BRWD1: variants seen among roughly 807,000 people sequenced by gnomAD.
The protein encoded by BRWD1 is bromodomain and WD repeat-containing protein 1.
Under a neutral mutation model 251.2 loss-of-function variants are expected in BRWD1, and 82 were observed. That is an observed-to-expected ratio of 0.33 (90% CI 0.27 to 0.39). The LOEUF is 0.39. BRWD1 is among the 10% of genes least tolerant of loss of function. BRWD1 has a pLI of 1.00. For synonymous variants in BRWD1, 918 were observed against 902.8 expected, an observed-to-expected ratio of 1.02 and a Z score of -0.30; for missense variants, 2,233 against 2,711.6, an observed-to-expected ratio of 0.82 and a Z score of 3.92.
chr21:39,301,760 C>T (rs533966557), intron 4 of BRWD1, among the ~76,000 whole-genome samples: 1 of 151,972 alleles, frequency 6.6e-6, no homozygotes, highest in South Asian at 2.1e-4. Flanking sequence ...AGTAAAACTG[C>T]TGAAAATCAA....
chr21:39,218,079 CTTTCTT>C, intron 31 of BRWD1, 67 bp downstream of exon 31: 1 of 1,436,144 alleles, frequency 7.0e-7, no homozygotes, highest in Non-Finnish European at 9.3e-7. Context: ...ACCACTATCT[CTTTCTT>C]TGTTTACCCT....
chr21:39,287,515 TTC>T lies in BRWD1; in HGVS notation c.831+6294_831+6295del, dbSNP rs199970484. Among the ~76,000 whole-genome samples the T allele has an allele frequency of 9.1e-3, 1,391 of 152,358 alleles. 12 individuals are homozygous for T. Among genetic ancestry groups the T allele is most frequent in the South Asian group, 0.029 (139 of 4,828 alleles). The stretch of plus-strand genomic sequence containing the variant: ...CAGATTTTCTTTTTGTGTCTTGTTT[TTC>T]TCTGTATTAACCTTCAATTTTCCTT... On this transcript the variant is annotated intron_variant, in intron 8 of 40. Transcript: ENST00000342449.
At chr21:39,307,670 T>C (rs1166299514) in intron 4 of BRWD1, among the ~76,000 whole-genome samples, 2 of 152,150 alleles carry the variant, frequency 1.3e-5, no homozygotes, top group Non-Finnish European at 2.9e-5. Flanking sequence ...ACTTGGAACT[T>C]GGGTGCACTG....
intron 31 of BRWD1, chr21:39,216,565 T>C (rs1038080029): frequency 4.8e-6 from 1 of 207,318 alleles, no homozygotes; most frequent in Non-Finnish European, 1.0e-5. Context: ...CAAGGATAGG[T>C]TGAACAACTA....
Position 39,195,531 on chromosome 21 carries a change from C to T in BRWD1, c.*728G>A. 1.0e-6 allele frequency: 1 copy of T among 984,370 alleles called. No individual in the cohort carries two copies. The highest frequency in any genetic ancestry group is 6.2e-5 in the Admixed American group (1 of 16,248). 61.0% of individuals were successfully genotyped at this position (984,370 alleles called of 1,614,324 possible). A position where few individuals can be genotyped will look rare whatever the true frequency, so the allele number is the denominator to read the frequency against. On this transcript the variant is annotated 3_prime_UTR_variant, in exon 41 of 41. Transcript: ENST00000342449. The stretch of plus-strand genomic sequence containing the variant: ...CACAATTTAAAAGAAAATGCTCTGA[C>T]TATGCTCTGGTCCTAGAGGTTTAAA...
In BRWD1 at chr21:39,194,172, A is replaced by G; in HGVS notation, c.*2087T>C. On this transcript the variant is annotated 3_prime_UTR_variant, in exon 41 of 41. Coordinates refer to ENST00000342449, the MANE Select transcript of BRWD1 (RefSeq NM_033656.4). ...AATTAATGCAGTCCAAATAATCAGA[A>G]TAGTTCTATTAATGAAGCCTAAACT... The G allele has an allele frequency of 8.1e-6, 8 of 984,972 alleles. No homozygotes were observed. Among genetic ancestry groups the G allele is most frequent in the Non-Finnish European group, 9.6e-6 (8 of 829,390 alleles). The allele number at this position is 984,972 out of a possible 1,614,324, so 61.0% of individuals were successfully genotyped here.
chr21:39,218,813 T>C (rs144342542), intron 29 of BRWD1, among the ~76,000 whole-genome samples, 153 bp from the exon 30 acceptor site: 204 of 152,280 alleles, frequency 1.3e-3, no homozygotes, highest in Middle Eastern at 6.8e-3. Flanking sequence ...AAATTACTCA[T>C]TGAGATTAAC....
At chr21:39,282,363 A>G (rs182265263) in intron 8 of BRWD1, among the ~76,000 whole-genome samples, 2 of 152,300 alleles carry the variant, frequency 1.3e-5, no homozygotes, top group Admixed American at 1.3e-4. Context: ...GATTTTTTTT[A>G]ATGTTGAAAG....
Position 39,313,520 on chromosome 21 carries a change from G to C in BRWD1, c.-29C>G. The C allele has an allele frequency of 7.5e-7, 1 of 1,328,038 alleles. No homozygotes were observed. Among genetic ancestry groups the C allele is most frequent in the Non-Finnish European group, 9.6e-7 (1 of 1,045,480 alleles). The allele number at this position is 1,328,038 out of a possible 1,614,324, so 82.3% of individuals were successfully genotyped here. A position where few individuals can be genotyped will look rare whatever the true frequency, so the allele number is the denominator to read the frequency against. On this transcript the variant is annotated 5_prime_UTR_variant, in exon 1 of 41. Transcript: ENST00000342449. Reference sequence around the variant, plus strand: ...CGGGCGCGGGGCGGGAGGCGGGAGCGAGCGAGCGAGCGGAGCGTGTAGGCC... The same window carrying C: ...CGGGCGCGGGGCGGGAGGCGGGAGCCAGCGAGCGAGCGGAGCGTGTAGGCC...
At chr21:39,233,021 G>T (rs1220514831) in intron 23 of BRWD1, among the ~76,000 whole-genome samples, 1 of 152,096 alleles carries the variant, frequency 6.6e-6, no homozygotes, top group Non-Finnish European at 1.5e-5. Context: ...ATGAGACTAT[G>T]TGCAACTTCT....
Position 39,191,844 on chromosome 21 carries a change from A to G in BRWD1, c.*4415T>C, listed in dbSNP as rs2031569717. 2 of 985,110 alleles carry G rather than the reference A, an allele frequency of 2.0e-6. No homozygotes were observed. Among genetic ancestry groups the G allele is most frequent in the Non-Finnish European group, 2.4e-6 (2 of 829,678 alleles). The allele number at this position is 985,110 out of a possible 1,614,324, so 61.0% of individuals were successfully genotyped here. A position where few individuals can be genotyped will look rare whatever the true frequency, so the allele number is the denominator to read the frequency against. ...AAATCTCATTTAAGGGCTTTAATAAATGAAAAAACTTACCTTAAAACTGAC... is the reference window on the plus strand; with the variant it reads ...AAATCTCATTTAAGGGCTTTAATAAGTGAAAAAACTTACCTTAAAACTGAC... On this transcript the variant is annotated 3_prime_UTR_variant, in exon 41 of 41. Transcript: ENST00000342449.
At chr21:39,307,682 C>T (rs922631939) in intron 4 of BRWD1, among the ~76,000 whole-genome samples, 2 of 152,050 alleles carry the variant, frequency 1.3e-5, no homozygotes, top group African/African-American at 4.8e-5. Flanking sequence ...GGTGCACTGC[C>T]AGATACTTTA....
In BRWD1 at chr21:39,263,614, A is replaced by G. The variant is rs150258212; in HGVS notation, c.1885+846T>C. ...CATATGCAATGATACATATGACGCAATGAGGGAGCAATGATACATATGATG... is the reference window on the plus strand; with the variant it reads ...CATATGCAATGATACATATGACGCAGTGAGGGAGCAATGATACATATGATG... On this transcript the variant is annotated intron_variant, in intron 17 of 40. Coordinates refer to ENST00000342449, the MANE Select transcript of BRWD1 (RefSeq NM_033656.4). 4.3e-3 allele frequency among the ~76,000 whole-genome samples: 652 copies of G among 152,274 alleles called. 5 individuals carry two copies. The highest frequency in any genetic ancestry group is 0.015 in the African/African-American group (612 of 41,550).
At chr21:39,274,872 T>C (rs1488748027) in intron 12 of BRWD1, among the ~76,000 whole-genome samples, 1 of 152,136 alleles carries the variant, frequency 6.6e-6, no homozygotes, top group East Asian at 1.9e-4. Context: ...AAACCCCGTC[T>C]CTACTAAAAA....
At chr21:39,280,928 C>T (rs1339793210) in intron 8 of BRWD1, among the ~76,000 whole-genome samples, 3 of 152,064 alleles carry the variant, frequency 2.0e-5, no homozygotes, top group Non-Finnish European at 4.4e-5. Flanking sequence ...AATAAAATAC[C>T]AAAAGTGCTA....
chr21:39,255,833 G>A lies in BRWD1; in HGVS notation c.2072-5C>T. On this transcript the variant is annotated splice_polypyrimidine_tract_variant and splice_region_variant and intron_variant, in intron 18 of 40. Transcript: ENST00000342449. The stretch of plus-strand genomic sequence containing the variant: ...CTAAGCTCAGCCTTCTAAAACCTAG[G>A]AAAATATGATGGGGAAGTGATTCCA... 1 of 1,612,626 alleles carries A rather than the reference G, an allele frequency of 6.2e-7. No individual in the cohort carries two copies. The highest frequency in any genetic ancestry group is 2.2e-5 in the East Asian group (1 of 44,864).
At chr21:39,271,787 C>T (rs948216253) in intron 13 of BRWD1, among the ~76,000 whole-genome samples, 2 of 151,146 alleles carry the variant, frequency 1.3e-5, no homozygotes, top group East Asian at 3.9e-4. Context: ...CCTATAATCC[C>T]AGCACTTTTG....
In BRWD1 at chr21:39,186,752, T is replaced by C. The variant is rs1313424823; in HGVS notation, c.*9507A>G. The C allele has an allele frequency of 1.0e-5, 3 of 285,930 alleles. No individual in the cohort carries two copies. Among genetic ancestry groups the C allele is most frequent in the African/African-American group, 6.6e-5 (3 of 45,708 alleles). 17.7% of individuals were successfully genotyped at this position (285,930 alleles called of 1,614,324 possible). On this transcript the variant is annotated 3_prime_UTR_variant, in exon 41 of 41. Transcript: ENST00000342449. Reference sequence around the variant, plus strand: ...GGAATCATGTCTTCAAGGCCTTGCATTCTGGAAAGGAATAGTAGTCTTATA... The same window carrying C: ...GGAATCATGTCTTCAAGGCCTTGCACTCTGGAAAGGAATAGTAGTCTTATA...
At chr21:39,292,741 T>C (rs187018376) in intron 8 of BRWD1, among the ~76,000 whole-genome samples, 1 of 150,660 alleles carries the variant, frequency 6.6e-6, no homozygotes, top group Non-Finnish European at 1.5e-5. Context: ...ACGAAGAAAC[T>C]GCAAGCGAAT....
Sources: allele counts gnomAD v4.1 joint callset (sites outside exome capture counted in the v4.1 genomes callset), GRCh38; gene constraint gnomAD v4.1.1; transcripts MANE v1.5; gene names NCBI Gene and HGNC (gene_info 2026-07-23, HGNC 2026-07-21).